Variants in KCNMB2 observed in about 807,000 individuals in gnomAD.
KCNMB2 encodes the protein potassium calcium-activated channel subfamily M regulatory beta subunit 2.
Under a neutral mutation model 24.5 loss-of-function variants are expected in KCNMB2, and 9 were observed. The observed-to-expected ratio is 0.37, with a 90% CI of 0.22 to 0.64. The LOEUF (loss-of-function observed/expected upper bound fraction) is 0.64. Ranked by LOEUF, KCNMB2 falls within the 30% of genes least tolerant of loss-of-function variation. KCNMB2 has a pLI of 0.63. For synonymous variants in KCNMB2, 109 were observed against 104.4 expected (o/e 1.04, Z -0.27); for missense variants, 226 against 284.3 (o/e 0.79, Z 1.47).
chr3:178,636,497 A>T (rs1288213967), intron 1 of KCNMB2, among the ~76,000 whole-genome samples: 1 of 152,266 alleles, frequency 6.6e-6, no homozygotes, highest in African/African-American at 2.4e-5. Flanking sequence ...AACAAAACAC[A>T]AATAGAGGGA....
At chr3:178,811,045 C>A (rs1714173857) in intron 2 of KCNMB2, among the ~76,000 whole-genome samples, 1 of 151,882 alleles carries the variant, frequency 6.6e-6, no homozygotes, top group African/African-American at 2.4e-5. Context: ...GGCCACCACA[C>A]CCGGCCCGAT....
chr3:178,607,637 G>T (rs948779181), intron 1 of KCNMB2, among the ~76,000 whole-genome samples: 2 of 151,630 alleles, frequency 1.3e-5, no homozygotes, highest in Non-Finnish European at 2.9e-5. Context: ...GCGTGTGTGT[G>T]TGTGTGTGTG....
At chr3:178,732,490 G>C (rs1236016633) in intron 1 of KCNMB2, among the ~76,000 whole-genome samples, 2 of 152,016 alleles carry the variant, frequency 1.3e-5, no homozygotes, top group African/African-American at 4.8e-5. Context: ...TACTTTTTAT[G>C]GTCTATTTAG....
intron 1 of KCNMB2, among the ~76,000 whole-genome samples, chr3:178,587,970 A>G (rs1275785231): frequency 2.9e-5 from 4 of 137,008 alleles, no homozygotes; most frequent in African/African-American, 5.5e-5. Flanking sequence ...ATTCCCACCT[A>G]TGAGTGAGAA....
chr3:178,592,764 C>T (rs962502962), intron 1 of KCNMB2, among the ~76,000 whole-genome samples: 3 of 152,142 alleles, frequency 2.0e-5, no homozygotes, highest in Non-Finnish European at 4.4e-5. Context: ...AGACCATCTA[C>T]GTTAGCATCA....
chr3:178,673,299 A>G (rs1353130719), intron 1 of KCNMB2, among the ~76,000 whole-genome samples: 1 of 152,134 alleles, frequency 6.6e-6, no homozygotes, highest in East Asian at 1.9e-4. Context: ...ATAAACCTCA[A>G]GTGGGCCTAA....
rs71181241 is a variant in KCNMB2 at position 178,691,107 on chromosome 3, CTT to C, written c.-67-116217_-67-116216del. On this transcript the variant is annotated intron_variant, in intron 1 of 4. Coordinates refer to ENST00000452583, the MANE Select transcript of KCNMB2 (RefSeq NM_181361.3). ...TGTACAGCATAATTCCCCATTAAGT[CTT>C]TTTTTTTTTTTTTTTTTTGATAGAG... is the stretch of plus-strand genomic sequence containing the variant. Among the ~76,000 whole-genome samples, 114 of 79,730 alleles carry C rather than the reference CTT, an allele frequency of 1.4e-3. 4 individuals carry two copies. The highest frequency in any genetic ancestry group is 5.8e-3 in the African/African-American group (95 of 16,306). 52.3% of individuals were successfully genotyped at this position (79,730 alleles called of 152,430 possible). A position where few individuals can be genotyped will look rare whatever the true frequency, so the allele number is the denominator to read the frequency against.
At chr3:178,594,880 A>T (rs1322281763) in intron 1 of KCNMB2, among the ~76,000 whole-genome samples, 1 of 151,998 alleles carries the variant, frequency 6.6e-6, no homozygotes, top group Non-Finnish European at 1.5e-5. Flanking sequence ...CATTAGAGAG[A>T]TTTCATTCTT....
chr3:178,655,874 A>G (rs1010996476), intron 1 of KCNMB2, among the ~76,000 whole-genome samples: 1 of 152,206 alleles, frequency 6.6e-6, no homozygotes, highest in African/African-American at 2.4e-5. Flanking sequence ...TCTCATCAGA[A>G]TTTACTTTTA....
At chr3:178,721,920 T>A (rs1476654842) in intron 1 of KCNMB2, among the ~76,000 whole-genome samples, 4 of 152,228 alleles carry the variant, frequency 2.6e-5, no homozygotes. Context: ...ATTTTAAAAT[T>A]TTGAATTTTT....
intron 1 of KCNMB2, among the ~76,000 whole-genome samples, chr3:178,631,315 C>T (rs1190367082): frequency 2.0e-5 from 3 of 152,180 alleles, no homozygotes; most frequent in Admixed American, 6.5e-5. Context: ...TGCTTGCTTC[C>T]TAACACATGG....
intron 1 of KCNMB2, among the ~76,000 whole-genome samples, chr3:178,714,556 G>T (rs1216050080): frequency 6.6e-6 from 1 of 152,144 alleles, no homozygotes; most frequent in Non-Finnish European, 1.5e-5. Flanking sequence ...ATGTAGACTC[G>T]GGAGAAAGCA....
chr3:178,701,433 A>T (rs1483830314), intron 1 of KCNMB2, among the ~76,000 whole-genome samples: 3 of 152,150 alleles, frequency 2.0e-5, no homozygotes, highest in African/African-American at 4.8e-5. Flanking sequence ...TTGACTTGGC[A>T]ATGAGGGCTC....
intron 1 of KCNMB2, among the ~76,000 whole-genome samples, chr3:178,603,260 A>G (rs531265065): frequency 6.6e-6 from 1 of 152,332 alleles, no homozygotes; most frequent in East Asian, 1.9e-4. Context: ...TCAAATGTAT[A>G]TATCAGATTT....
At chr3:178,778,484 A>G (rs1712688167) in intron 1 of KCNMB2, among the ~76,000 whole-genome samples, 1 of 91,462 alleles carries the variant, frequency 1.1e-5, no homozygotes, top group Non-Finnish European at 2.5e-5. Context: ...ACACACACAC[A>G]CACACACACA....
At chr3:178,578,728 C>T (rs929290654) in intron 1 of KCNMB2, among the ~76,000 whole-genome samples, 3 of 152,114 alleles carry the variant, frequency 2.0e-5, no homozygotes, top group African/African-American at 7.2e-5. Flanking sequence ...GTTTGCAATC[C>T]TAGTCTCTGA....
intron 1 of KCNMB2, among the ~76,000 whole-genome samples, chr3:178,801,318 C>T (rs913518293): frequency 3.9e-5 from 6 of 152,022 alleles, no homozygotes; most frequent in African/African-American, 1.4e-4. Context: ...CTATACTATG[C>T]ACCCATAAAA....
intron 1 of KCNMB2, among the ~76,000 whole-genome samples, chr3:178,628,303 C>G (rs931739110): frequency 2.0e-5 from 3 of 152,252 alleles, no homozygotes; most frequent in Admixed American, 1.3e-4. Context: ...ATACCAGACT[C>G]TAGTCCCATT....
intron 1 of KCNMB2, among the ~76,000 whole-genome samples, chr3:178,555,257 C>T (rs1356292066): frequency 6.6e-6 from 1 of 152,172 alleles, no homozygotes; most frequent in Non-Finnish European, 1.5e-5. Context: ...CACAAACCTT[C>T]CCCAAGCAAA....
Sources: allele counts gnomAD v4.1 joint callset (sites outside exome capture counted in the v4.1 genomes callset), GRCh38; gene constraint gnomAD v4.1.1; transcripts MANE v1.5; gene names NCBI Gene and HGNC (gene_info 2026-07-23, HGNC 2026-07-21).